Variants in LNPEP observed in about 807,000 individuals in gnomAD.
LNPEP encodes leucyl and cystinyl aminopeptidase, also known as leucyl-cystinyl aminopeptidase.
In LNPEP, 64 loss-of-function variants were observed where a neutral mutation model predicts 120.6. That is an observed-to-expected ratio of 0.53 (90% CI 0.43 to 0.65). The LOEUF is 0.65. Among genes scored for constraint, LNPEP ranks in the 30% least tolerant of loss-of-function variants. The pLI, the probability that LNPEP is intolerant of heterozygous loss-of-function variation, is 0.00. For synonymous variants in LNPEP, 435 were observed against 425.4 expected (o/e 1.02, Z -0.28); for missense variants, 1,057 against 1,200.0 (o/e 0.88, Z 1.76).
At chr5:97,021,196 C>T (rs767181873) in intron 13 of LNPEP, among the ~76,000 whole-genome samples, 1 of 151,974 alleles carries the variant, frequency 6.6e-6, no homozygotes, top group Non-Finnish European at 1.5e-5. Flanking sequence ...AATGAAATAT[C>T]GTATCTGTAT....
Position 97,003,404 on chromosome 5 carries a change from T to C in LNPEP, c.1654-11T>C. On this transcript the variant is annotated splice_polypyrimidine_tract_variant and intron_variant, in intron 8 of 17. Transcript: ENST00000231368. ...ATTTTCTTTCTTTTTCCTCACTTTTTTTTTTAATAGGGATCTTCTCTCTTG... is the reference window on the plus strand; with the variant it reads ...ATTTTCTTTCTTTTTCCTCACTTTTCTTTTTAATAGGGATCTTCTCTCTTG... 2 of 1,467,878 alleles carry C rather than the reference T, an allele frequency of 1.4e-6. No homozygotes were observed. Among genetic ancestry groups the C allele is most frequent in the Non-Finnish European group, 1.9e-6 (2 of 1,078,526 alleles). The allele number at this position is 1,467,878 out of a possible 1,614,324, so 90.9% of individuals were successfully genotyped here.
intron 1 of LNPEP, among the ~76,000 whole-genome samples, chr5:96,977,366 A>G (rs1452914318): frequency 2.6e-5 from 4 of 151,876 alleles, no homozygotes; most frequent in Non-Finnish European, 5.9e-5. Context: ...AAAGAAAAAG[A>G]GACATGTGGA....
chr5:96,941,833 CAAT>C (rs1319946764), intron 1 of LNPEP, among the ~76,000 whole-genome samples: 1 of 152,106 alleles, frequency 6.6e-6, no homozygotes, highest in East Asian at 1.9e-4. Flanking sequence ...AGAGGAGAAT[CAAT>C]GATGAAGATG....
rs1791582289 is a variant in LNPEP, at chr5:97,036,954, G to A, written c.*8421G>A. ...GTTCTTAATTTAAAATACTTCAAAG[G>A]AAGTAAAGGTCATGGCTTAGCTGAA... On this transcript the variant is annotated 3_prime_UTR_variant, in exon 18 of 18. Transcript: ENST00000231368. 2 of 152,070 alleles carry A rather than the reference G, an allele frequency of 1.3e-5. No homozygotes were observed. Among genetic ancestry groups the A allele is most frequent in the South Asian group, 4.1e-4 (2 of 4,824 alleles). The allele number at this position is 152,070 out of a possible 1,614,324, so 9.4% of individuals were successfully genotyped here. A position where few individuals can be genotyped will look rare whatever the true frequency, so the allele number is the denominator to read the frequency against.
intron 1 of LNPEP, among the ~76,000 whole-genome samples, chr5:96,970,217 G>A (rs762166501): frequency 5.9e-5 from 9 of 151,886 alleles, no homozygotes; most frequent in African/African-American, 1.9e-4. Context: ...CCGATCTTCC[G>A]TGACCTTACT....
chr5:96,949,334 G>GT (rs1789268379), intron 1 of LNPEP, among the ~76,000 whole-genome samples: 1 of 152,228 alleles, frequency 6.6e-6, no homozygotes, highest in African/African-American at 2.4e-5. Context: ...GATCAGGGTG[G>GT]TATTAGAGTC....
At chr5:96,992,894 C>T (rs41276281) in intron 4 of LNPEP, 121 bp from the exon 5 acceptor site, 19,592 of 663,688 alleles carry the variant, frequency 0.03, 398 homozygotes, top group South Asian at 0.039. Flanking sequence ...GTGTTTCTAT[C>T]CAGAAGGATC....
At chr5:97,014,568 A>C (rs995049053) in intron 12 of LNPEP, among the ~76,000 whole-genome samples, 1 of 152,134 alleles carries the variant, frequency 6.6e-6, no homozygotes, top group Non-Finnish European at 1.5e-5. Flanking sequence ...TAAAAAAAGA[A>C]ATCAGATACT....
At chr5:96,944,710 A>G (rs752838341) in intron 1 of LNPEP, among the ~76,000 whole-genome samples, 2 of 151,544 alleles carry the variant, frequency 1.3e-5, no homozygotes, top group African/African-American at 4.9e-5. Context: ...CTGGGATTAT[A>G]GGCATGTTGC....
intron 11 of LNPEP, among the ~76,000 whole-genome samples, chr5:97,007,422 A>G (rs994933344): frequency 1.3e-5 from 2 of 152,206 alleles, no homozygotes; most frequent in East Asian, 1.9e-4. Context: ...TACTTACTTT[A>G]TGTAGTTGTG....
chr5:96,984,402 T>C (rs954915034), intron 2 of LNPEP, among the ~76,000 whole-genome samples: 10 of 152,270 alleles, frequency 6.6e-5, no homozygotes, highest in African/African-American at 2.4e-4. Context: ...TCTAAATGGG[T>C]CCAGGTGCTG....
At chr5:96,981,445 A>G (rs947778574) in intron 2 of LNPEP, among the ~76,000 whole-genome samples, 13 of 152,214 alleles carry the variant, frequency 8.5e-5, no homozygotes, top group Admixed American at 6.5e-4. Flanking sequence ...TTAATCTTAA[A>G]GAAACATATT....
intron 12 of LNPEP, among the ~76,000 whole-genome samples, chr5:97,014,402 G>C (rs1160537035): frequency 6.6e-6 from 1 of 152,060 alleles, no homozygotes; most frequent in Non-Finnish European, 1.5e-5. Context: ...ATTTTGTCTC[G>C]TTTTTTATGA....
rs184627675 is a variant in LNPEP, at chr5:96,992,886, G to A, written c.1132-129G>A. On this transcript the variant is annotated intron_variant, in intron 4 of 17. Coordinates refer to ENST00000231368, the MANE Select transcript of LNPEP (RefSeq NM_005575.3). ...GGGACTAAAGTAACCATAAGCAAGT[G>A]TTTCTATCCAGAAGGATCTCATACA... The A allele has an allele frequency of 1.2e-4, 76 of 616,042 alleles. No individual in the cohort carries two copies. In the East Asian group the frequency reaches 1.9e-3, roughly 16 times the overall value. 38.2% of individuals were successfully genotyped at this position (616,042 alleles called of 1,614,324 possible).
rs972958162 is a variant in LNPEP at position 97,031,899 on chromosome 5, A to C, written c.*3366A>C. The C allele has an allele frequency of 2.6e-5, 4 of 152,088 alleles. No homozygotes were observed. Among genetic ancestry groups the C allele is most frequent in the South Asian group, 2.1e-4 (1 of 4,822 alleles). 9.4% of individuals were successfully genotyped at this position (152,088 alleles called of 1,614,324 possible). The stretch of plus-strand genomic sequence containing the variant: ...GACTGTCTCAAAAAACAAAAAACAA[A>C]AAAAAAAGAGTTAAGTGTTGATTTT... On this transcript the variant is annotated 3_prime_UTR_variant, in exon 18 of 18. Coordinates refer to ENST00000231368, the MANE Select transcript of LNPEP (RefSeq NM_005575.3).
chr5:97,035,333 C>G lies in LNPEP; in HGVS notation c.*6800C>G, dbSNP rs1238631407. 2.0e-5 allele frequency: 3 copies of G among 152,094 alleles called. No individual in the cohort carries two copies. Among genetic ancestry groups the G allele is most frequent in the African/African-American group, 7.2e-5 (3 of 41,406 alleles). The allele number at this position is 152,094 out of a possible 1,614,324, so 9.4% of individuals were successfully genotyped here. A position where few individuals can be genotyped will look rare whatever the true frequency, so the allele number is the denominator to read the frequency against. Reference sequence around the variant, plus strand: ...TCGAGGATCAGTGTATGACAAATCTCCCATCCTCCCCTTTCCTTATTGCCT... The same window carrying G: ...TCGAGGATCAGTGTATGACAAATCTGCCATCCTCCCCTTTCCTTATTGCCT... On this transcript the variant is annotated 3_prime_UTR_variant, in exon 18 of 18. Coordinates refer to ENST00000231368, the MANE Select transcript of LNPEP (RefSeq NM_005575.3).
intron 1 of LNPEP, chr5:96,936,668 T>C (rs988525409): frequency 6.6e-6 from 1 of 152,444 alleles, no homozygotes; most frequent in Non-Finnish European, 1.5e-5. Context: ...CAGGTTAATG[T>C]TGTGGAAGGA....
rs1451122283 is a variant in LNPEP, at chr5:97,035,112, A to G, written c.*6579A>G. The G allele has an allele frequency of 6.6e-6, 1 of 151,902 alleles. No homozygotes were observed. The highest frequency in any genetic ancestry group is 6.6e-5 in the Admixed American group (1 of 15,230). 9.4% of individuals were successfully genotyped at this position (151,902 alleles called of 1,614,324 possible). On this transcript the variant is annotated 3_prime_UTR_variant, in exon 18 of 18. Coordinates refer to ENST00000231368, the MANE Select transcript of LNPEP (RefSeq NM_005575.3). ...ATAACTCTCCTGTTTCCCTTCCCTC[A>G]TTGCCTACAGGGGCAATAGTTTCAT...
chr5:96,960,012 C>T (rs191858756), intron 1 of LNPEP, among the ~76,000 whole-genome samples: 1 of 144,014 alleles, frequency 6.9e-6, no homozygotes, highest in Admixed American at 7.2e-5. Flanking sequence ...GATCTTGGCT[C>T]ACCACAACCT....
Sources: allele counts gnomAD v4.1 joint callset (sites outside exome capture counted in the v4.1 genomes callset), GRCh38; gene constraint gnomAD v4.1.1; transcripts MANE v1.5; gene names NCBI Gene and HGNC (gene_info 2026-07-23, HGNC 2026-07-21).